The following VSNL1 variants were observed in gnomAD, a reference collection of about 807,000 sequenced individuals.
The protein encoded by VSNL1 is visinin-like protein 1.
In VSNL1, 6 loss-of-function variants were observed where a neutral mutation model predicts 20.4. That is an observed-to-expected ratio of 0.29 (90% CI 0.16 to 0.58). The LOEUF is 0.58. Among genes scored for constraint, VSNL1 ranks in the 20% least tolerant of loss-of-function variants. VSNL1 has a pLI of 0.90. For synonymous variants in VSNL1, 93 were observed against 86.4 expected, an observed-to-expected ratio of 1.08 and a Z score of -0.42; for missense variants, 100 against 234.5, an observed-to-expected ratio of 0.43 and a Z score of 3.75.
intron 1 of VSNL1, among the ~76,000 whole-genome samples, chr2:17,563,418 G>A (rs1008663915): frequency 6.6e-6 from 1 of 152,196 alleles, no homozygotes; most frequent in African/African-American, 2.4e-5. Flanking sequence ...GTACTGTATG[G>A]AGAGAATACA....
chr2:17,653,150 C>T (rs1038159249), intron 3 of VSNL1, among the ~76,000 whole-genome samples: 2 of 152,130 alleles, frequency 1.3e-5, no homozygotes, highest in African/African-American at 4.8e-5. Flanking sequence ...CTGGCATGCC[C>T]GGCCTTTGTG....
chr2:17,622,966 A>T lies in VSNL1; in HGVS notation c.163-26444A>T, dbSNP rs567877807. On this transcript the variant is annotated intron_variant, in intron 2 of 3. Coordinates refer to ENST00000295156, the MANE Select transcript of VSNL1 (RefSeq NM_003385.5). ...CCACCCTGGGCAGGTTCCCTCATCT[A>T]CACAAAAGCATCTGGTATAAACACT... Among the ~76,000 whole-genome samples the T allele has an allele frequency of 2.6e-5, 4 of 152,296 alleles. No homozygotes were observed. In the East Asian group the frequency reaches 7.7e-4, roughly 29 times the overall value.
intron 2 of VSNL1, among the ~76,000 whole-genome samples, chr2:17,592,486 A>G (rs1248422757): frequency 6.6e-6 from 1 of 152,178 alleles, no homozygotes; most frequent in Non-Finnish European, 1.5e-5. Flanking sequence ...GAATGACAGC[A>G]TCTGGTGAAA....
rs1356508034 is a variant in VSNL1 at position 17,622,534 on chromosome 2, A to AAGAAAGAAAGAAAGAAAG, written c.163-26874_163-26857dup. ...AGAAAGAAAGAAAAGAAAGAAAGAA[A>AAGAAAGAAAGAAAGAAAG]AGAAAGAAAGAAAGAAAGAAAGAAA... On this transcript the variant is annotated intron_variant, in intron 2 of 3. Coordinates refer to ENST00000295156, the MANE Select transcript of VSNL1 (RefSeq NM_003385.5). 2.8e-4 allele frequency among the ~76,000 whole-genome samples: 6 copies of AAGAAAGAAAGAAAGAAAG among 21,160 alleles called. 1 individual carries two copies. In the East Asian group the frequency reaches 5.6e-3, roughly 20 times the overall value. The allele number at this position is 21,160 out of a possible 152,430, so 13.9% of individuals were successfully genotyped here. A position where few individuals can be genotyped will look rare whatever the true frequency, so the allele number is the denominator to read the frequency against.
chr2:17,587,079 T>G (rs1450687610), intron 1 of VSNL1, among the ~76,000 whole-genome samples: 1 of 152,218 alleles, frequency 6.6e-6, no homozygotes, highest in Non-Finnish European at 1.5e-5. Flanking sequence ...CTAAAGCCCT[T>G]TCTTCCTTTG....
intron 1 of VSNL1, among the ~76,000 whole-genome samples, chr2:17,558,101 A>G (rs1663731733): frequency 6.6e-6 from 1 of 152,202 alleles, no homozygotes. Context: ...CAGAGGGAGT[A>G]GGAATGCTCT....
chr2:17,559,417 AAAC>A (rs1037947402), intron 1 of VSNL1, among the ~76,000 whole-genome samples: 4 of 151,212 alleles, frequency 2.6e-5, no homozygotes, highest in African/African-American at 9.7e-5. Flanking sequence ...GCAAAAAAAA[AAAC>A]AACAACAGCT....
intron 2 of VSNL1, 34 bp downstream of exon 2, chr2:17,592,270 A>G: frequency 6.2e-7 from 1 of 1,608,770 alleles, no homozygotes; most frequent in Middle Eastern, 1.7e-4. Flanking sequence ...TTTATTCCTT[A>G]GGCCAGAAAC....
intron 2 of VSNL1, among the ~76,000 whole-genome samples, chr2:17,619,495 A>G (rs951754416): frequency 3.9e-4 from 60 of 152,360 alleles, no homozygotes; most frequent in African/African-American, 1.3e-3. Flanking sequence ...GCGAAACTTC[A>G]GACTCAGCAG....
chr2:17,644,903 T>C (rs1168348775), intron 2 of VSNL1, among the ~76,000 whole-genome samples: 1 of 152,178 alleles, frequency 6.6e-6, no homozygotes, highest in Non-Finnish European at 1.5e-5. Flanking sequence ...TTCAGGGTGA[T>C]TGTATTTGTA....
intron 1 of VSNL1, among the ~76,000 whole-genome samples, chr2:17,557,043 G>T (rs1663700009): frequency 6.6e-6 from 1 of 152,112 alleles, no homozygotes; most frequent in East Asian, 1.9e-4. Flanking sequence ...AGGATGCCAT[G>T]TTTGTAAACA....
At chr2:17,603,885 T>C (rs557079361) in intron 2 of VSNL1, among the ~76,000 whole-genome samples, 2 of 152,294 alleles carry the variant, frequency 1.3e-5, no homozygotes, top group South Asian at 4.1e-4. Context: ...GGAGCTTGCA[T>C]TGTGCCTTCA....
intron 1 of VSNL1, chr2:17,541,601 T>A (rs972816441): frequency 6.6e-6 from 1 of 152,218 alleles, no homozygotes; most frequent in African/African-American, 2.4e-5. Flanking sequence ...GAATGGGGAC[T>A]GTCAGACCCA....
chr2:17,540,175 T>C (rs1306327574), upstream of VSNL1: 1 of 152,372 alleles, frequency 6.6e-6, no homozygotes, highest in Non-Finnish European at 1.5e-5. Flanking sequence ...GTTCCTTCAG[T>C]AAGCCAGGTA....
intron 2 of VSNL1, among the ~76,000 whole-genome samples, chr2:17,631,030 T>G (rs934798556): frequency 1.3e-5 from 2 of 152,232 alleles, no homozygotes; most frequent in Non-Finnish European, 2.9e-5. Context: ...TCTGCCCGAC[T>G]TGGCCTCCCA....
At chr2:17,639,422 C>A (rs957372711) in intron 2 of VSNL1, among the ~76,000 whole-genome samples, 3 of 152,168 alleles carry the variant, frequency 2.0e-5, no homozygotes, top group Admixed American at 6.5e-5. Flanking sequence ...CATGCAGATC[C>A]TGGCCTCAGT....
chr2:17,627,967 G>T (rs1283264198), intron 2 of VSNL1, among the ~76,000 whole-genome samples: 1 of 152,222 alleles, frequency 6.6e-6, no homozygotes, highest in Admixed American at 6.5e-5. Context: ...CAGTATAGAG[G>T]TTAGAAGCAA....
intron 1 of VSNL1, among the ~76,000 whole-genome samples, chr2:17,553,667 C>A (rs2103341538): frequency 6.6e-6 from 1 of 152,280 alleles, no homozygotes; most frequent in African/African-American, 2.4e-5. Context: ...ATGTCAGAAC[C>A]AAATTTGAAT....
rs1448708481 is a variant in VSNL1, at chr2:17,634,227, A to G, written c.163-15183A>G. On this transcript the variant is annotated intron_variant, in intron 2 of 3. Coordinates refer to ENST00000295156, the MANE Select transcript of VSNL1 (RefSeq NM_003385.5). The surrounding 1 kb of genome is among the most constrained non-coding windows in gnomAD (Gnocchi z 4.3). ...TGTGCAGGCGAGAATCAGGGCTGGC[A>G]GGTGCCCAGGGCCCTGTGCTCAGAA... Among the ~76,000 whole-genome samples the G allele has an allele frequency of 6.6e-6, 1 of 152,208 alleles. No homozygotes were observed. The highest frequency in any genetic ancestry group is 1.5e-5 in the Non-Finnish European group (1 of 68,042).
Sources: allele counts gnomAD v4.1 joint callset (sites outside exome capture counted in the v4.1 genomes callset), GRCh38; gene constraint gnomAD v4.1.1; non-coding constraint Gnocchi (gnomAD v3.1); transcripts MANE v1.5; gene names NCBI Gene and HGNC (gene_info 2026-07-23, HGNC 2026-07-21).